The following ARAP2 variants were observed in gnomAD, a reference collection of about 807,000 sequenced individuals.
The protein encoded by ARAP2 is arf-GAP with Rho-GAP domain, ANK repeat and PH domain-containing protein 2.
Under a neutral mutation model 194.5 loss-of-function variants are expected in ARAP2, and 148 were observed. That is an observed-to-expected ratio of 0.76 (90% CI 0.67 to 0.87). The LOEUF is 0.87. Ranked by LOEUF, ARAP2 falls within the 40% of genes least tolerant of loss-of-function variation. The probability of loss-of-function intolerance (pLI) is 0.00; values close to 1 mark genes in which losing one functional copy is unlikely to be tolerated. For missense variants in ARAP2, 2,128 were observed against 1,989.7 expected, an observed-to-expected ratio of 1.07 and a Z score of -1.32; for synonymous variants, 695 against 683.5, an observed-to-expected ratio of 1.02 and a Z score of -0.26.
chr4:36,049,820 A>G (rs1722379577), intron 3 of ARAP2, among the ~76,000 whole-genome samples: 1 of 152,212 alleles, frequency 6.6e-6, no homozygotes, highest in Non-Finnish European at 1.5e-5. Context: ...ATTTCAGTGT[A>G]GACAGATACA....
At chr4:36,187,602 A>G (rs752336789) in intron 7 of ARAP2, 31 bp from the exon 8 acceptor site, 1 of 1,511,728 alleles carries the variant, frequency 6.6e-7, no homozygotes. Context: ...GAGAAGACAT[A>G]TGAAAACGAA....
At chr4:36,183,888 T>A (rs748034035) in intron 8 of ARAP2, among the ~76,000 whole-genome samples, 2 of 152,152 alleles carry the variant, frequency 1.3e-5, no homozygotes, top group Non-Finnish European at 2.9e-5. Flanking sequence ...ACAACACTGG[T>A]CAGGGAAGAC....
At chr4:36,244,717 G>A (rs950655395), upstream of ARAP2, among the ~76,000 whole-genome samples, 2 of 152,154 alleles carry the variant, frequency 1.3e-5, no homozygotes, top group African/African-American at 4.8e-5. Flanking sequence ...AGCTGCGGGG[G>A]CGCGCCCTGG....
downstream of ARAP2, among the ~76,000 whole-genome samples, chr4:36,062,382 G>C (rs765339983): frequency 6.6e-6 from 1 of 152,038 alleles, no homozygotes; most frequent in Non-Finnish European, 1.5e-5. Flanking sequence ...TCTGAGTTTT[G>C]GTTCATATGA....
chr4:36,114,343 T>C, intron 25 of ARAP2, 56 bp from the exon 26 acceptor site: 1 of 1,070,798 alleles, frequency 9.3e-7, no homozygotes. Context: ...AGTAGCCTTA[T>C]GCTAGGTCAA....
At chr4:36,022,535 C>T (rs1257671739) in intron 5 of ARAP2, among the ~76,000 whole-genome samples, 1 of 152,034 alleles carries the variant, frequency 6.6e-6, no homozygotes, top group East Asian at 1.9e-4. Flanking sequence ...ATTACATTTA[C>T]ATGAAGGTGA....
chr4:36,117,558 G>A (rs1721664795), intron 24 of ARAP2, among the ~76,000 whole-genome samples: 2 of 151,642 alleles, frequency 1.3e-5, no homozygotes, highest in South Asian at 4.1e-4. Flanking sequence ...GCTATAATGT[G>A]TGCATGATAC....
At chr4:36,063,662 C>T (rs1046111033), downstream of ARAP2, among the ~76,000 whole-genome samples, 2 of 152,184 alleles carry the variant, frequency 1.3e-5, no homozygotes, top group African/African-American at 4.8e-5. Context: ...CTTTAGGTCA[C>T]TAGTTGGCCA....
intron 27 of ARAP2, among the ~76,000 whole-genome samples, chr4:36,104,503 T>C (rs1169897065): frequency 6.6e-6 from 1 of 151,908 alleles, no homozygotes; most frequent in East Asian, 1.9e-4. Flanking sequence ...CAAAAATAAA[T>C]GAGACTGAAT....
chr4:36,068,725 G>T (rs1159811987), intron 32 of ARAP2, among the ~76,000 whole-genome samples: 2 of 152,284 alleles, frequency 1.3e-5, no homozygotes, highest in East Asian at 3.9e-4. Flanking sequence ...CCCGCTGTAG[G>T]CTAATATAAA....
At chr4:36,015,158 G>T (rs991895392) in intron 8 of ARAP2, among the ~76,000 whole-genome samples, 1 of 151,942 alleles carries the variant, frequency 6.6e-6, no homozygotes, top group Non-Finnish European at 1.5e-5. Flanking sequence ...ACTATTATTT[G>T]GATACTATAT....
At chr4:36,180,974 T>C (rs1270343325) in intron 8 of ARAP2, among the ~76,000 whole-genome samples, 2 of 152,234 alleles carry the variant, frequency 1.3e-5, no homozygotes, top group Admixed American at 6.5e-5. Flanking sequence ...GGCCGTGCAA[T>C]GTGTGCATCC....
In ARAP2 at chr4:36,229,009, G is replaced by A. The variant is rs751166709; in HGVS notation, c.478C>T (p.His160Tyr). The A allele has an allele frequency of 4.3e-6, 7 of 1,614,108 alleles. No individual in the cohort carries two copies. In the South Asian group the frequency reaches 6.6e-5, roughly 15 times the overall value. Reference protein sequence around the residue: ...KRDFPTAEEPHLNLGSLNDSL... With the variant: ...KRDFPTAEEPYLNLGSLNDSL... ...TCATTCAAAGAACCCAAATTCAGGT[G>A]TGGTTCCTCTGCAGTGGGGAAGTCG... Residue 160 changes from histidine to tyrosine, a missense_variant, in exon 2 of 33, where the codon CAC (histidine) becomes TAC (tyrosine). Transcript: ENST00000303965.
chr4:36,160,587 G>A lies in ARAP2; in HGVS notation c.2314C>T (p.Gln772Ter). Residue 772 changes from glutamine to a stop codon, truncating the protein, a stop_gained, in exon 13 of 33, where the codon CAA (glutamine) becomes TAA (stop). Coordinates refer to ENST00000303965, the MANE Select transcript of ARAP2 (RefSeq NM_015230.4). LOFTEE classifies it high-confidence loss of function. Reference protein sequence around the residue: ...RANDFWAGNLQKDEELHMDSP... With the variant: ...RANDFWAGNL Reference sequence around the variant, plus strand: ...TCCATATGTAATTCTTCATCCTTTTGAAGATTACCAGCCCAAAAGTCATTT... The same window carrying A: ...TCCATATGTAATTCTTCATCCTTTTAAAGATTACCAGCCCAAAAGTCATTT... 6.6e-7 allele frequency: 1 copy of A among 1,515,540 alleles called. No homozygotes were observed. The highest frequency in any genetic ancestry group is 1.4e-5 in the South Asian group (1 of 72,764). The allele number at this position is 1,515,540 out of a possible 1,614,324, so 93.9% of individuals were successfully genotyped here. A position where few individuals can be genotyped will look rare whatever the true frequency, so the allele number is the denominator to read the frequency against.
At chr4:36,210,205 T>A (rs1209973386) in intron 6 of ARAP2, among the ~76,000 whole-genome samples, 185 bp downstream of exon 6, 1 of 152,152 alleles carries the variant, frequency 6.6e-6, no homozygotes, top group South Asian at 2.1e-4. Context: ...GCATTGCACA[T>A]CTCTCTCCTT....
At chr4:36,202,787 G>A (rs373567776) in intron 6 of ARAP2, among the ~76,000 whole-genome samples, 1 of 152,046 alleles carries the variant, frequency 6.6e-6, no homozygotes, top group East Asian at 1.9e-4. Context: ...ACATCAAAGG[G>A]TTAAGAAATA....
rs145812777 is a variant in ARAP2, at chr4:36,117,082, G to A, written c.4017C>T (p.Pro1339=). ...LIEVYVERKE[P]DCSIIIRISP... The stretch of plus-strand genomic sequence containing the variant: ...TTACCCGAATTATAATACTACAGTC[G>A]GGTTCCTTCCTTTCTACATATACTT... Residue 1339 remains proline (P), a synonymous_variant, in exon 25 of 33, where the codon CCC becomes CCT. Coordinates refer to ENST00000303965, the MANE Select transcript of ARAP2 (RefSeq NM_015230.4). 16 of 1,597,530 alleles carry A rather than the reference G, an allele frequency of 1.0e-5. No individual in the cohort carries two copies. The highest frequency in any genetic ancestry group is 4.1e-5 in the African/African-American group (3 of 73,544).
chr4:36,216,478 G>A (rs1747962108), intron 2 of ARAP2, among the ~76,000 whole-genome samples: 1 of 152,138 alleles, frequency 6.6e-6, no homozygotes, highest in African/African-American at 2.4e-5. Flanking sequence ...GAATGTGAAA[G>A]GGTGCATCCA....
intron 2 of ARAP2, among the ~76,000 whole-genome samples, chr4:36,224,233 AAATG>A (rs1272583043): frequency 7.2e-6 from 1 of 139,786 alleles, no homozygotes; most frequent in African/African-American, 2.5e-5. Flanking sequence ...ATAAATAAAT[AAATG>A]AATAAATAAA....
Sources: allele counts gnomAD v4.1 joint callset (sites outside exome capture counted in the v4.1 genomes callset), GRCh38; gene constraint gnomAD v4.1.1; transcripts MANE v1.5; gene names NCBI Gene and HGNC (gene_info 2026-07-23, HGNC 2026-07-21).